Variants in HCRTR2 observed in about 807,000 individuals in gnomAD.
HCRTR2 encodes hypocretin receptor 2.
HCRTR2 carries 22 observed loss-of-function variants against 49.0 expected under a neutral mutation model. That is an observed-to-expected ratio of 0.45 (90% CI 0.32 to 0.64). The LOEUF is 0.64. HCRTR2 is among the 30% of genes least tolerant of loss of function. The pLI, the probability that HCRTR2 is intolerant of heterozygous loss-of-function variation, is 0.04. For missense variants in HCRTR2, 491 were observed against 559.4 expected (o/e 0.88, Z 1.23); for synonymous variants, 236 against 205.3 (o/e 1.15, Z -1.28).
intron 1 of HCRTR2, among the ~76,000 whole-genome samples, chr6:55,222,995 A>G (rs1400125679): frequency 6.6e-6 from 1 of 152,214 alleles, no homozygotes; most frequent in Non-Finnish European, 1.5e-5. Flanking sequence ...TAGTGACACG[A>G]GTTCAAATAA....
chr6:55,124,210 G>A (rs1015661585), intron 1 of HCRTR2, among the ~76,000 whole-genome samples: 6 of 152,116 alleles, frequency 3.9e-5, no homozygotes, highest in African/African-American at 1.4e-4. Context: ...TGGTGTCAGA[G>A]TGTTGATTTT....
intron 1 of HCRTR2, among the ~76,000 whole-genome samples, chr6:55,241,800 G>C (rs1279031206): frequency 1.3e-5 from 2 of 149,438 alleles, no homozygotes; most frequent in African/African-American, 4.9e-5. Flanking sequence ...GTTTTTGAGG[G>C]ACATCATTAT....
At chr6:55,241,956 C>T (rs1224975092) in intron 1 of HCRTR2, among the ~76,000 whole-genome samples, 3 of 149,850 alleles carry the variant, frequency 2.0e-5, no homozygotes, top group African/African-American at 7.4e-5. Flanking sequence ...GCAGCCTCCA[C>T]CTCCCGGGTT....
intron 1 of HCRTR2, among the ~76,000 whole-genome samples, chr6:55,115,323 C>T (rs1279457259): frequency 6.6e-6 from 1 of 151,672 alleles, no homozygotes; most frequent in Non-Finnish European, 1.5e-5. Context: ...AGAGTAGAGA[C>T]TTTTCATTTA....
At chr6:55,268,063 G>A (rs1480101812) in intron 4 of HCRTR2, among the ~76,000 whole-genome samples, 1 of 152,082 alleles carries the variant, frequency 6.6e-6, no homozygotes, top group African/African-American at 2.4e-5. Context: ...AAAAGGAGGA[G>A]GAAATGGAGC....
At chr6:55,133,064 A>G (rs1267671101) in intron 1 of HCRTR2, among the ~76,000 whole-genome samples, 1 of 151,902 alleles carries the variant, frequency 6.6e-6, no homozygotes, top group Non-Finnish European at 1.5e-5. Context: ...ACTGTGCAAC[A>G]TTAGTCTTAG....
chr6:55,281,478 GATAACTC>G (rs1251066509), intron 6 of HCRTR2, among the ~76,000 whole-genome samples: 1 of 152,170 alleles, frequency 6.6e-6, no homozygotes, highest in East Asian at 1.9e-4. Context: ...GATAATCACT[GATAACTC>G]ATTATGTGAC....
At chr6:55,110,770 CA>C (rs1764038059) in intron 1 of HCRTR2, among the ~76,000 whole-genome samples, 1 of 151,584 alleles carries the variant, frequency 6.6e-6, no homozygotes, top group South Asian at 2.1e-4. Flanking sequence ...AGACAGAAAA[CA>C]ATAGTGGGAG....
At chr6:55,107,469 A>G (rs745936536) in intron 1 of HCRTR2, among the ~76,000 whole-genome samples, 2 of 152,108 alleles carry the variant, frequency 1.3e-5, no homozygotes, top group Non-Finnish European at 2.9e-5. Flanking sequence ...AGGGAAAGGC[A>G]TAAGGCATAA....
chr6:55,211,751 A>G (rs116312988), intron 1 of HCRTR2, among the ~76,000 whole-genome samples: 1 of 152,230 alleles, frequency 6.6e-6, no homozygotes, highest in African/African-American at 2.4e-5. Flanking sequence ...GAGCTTCCTG[A>G]CCAACTCCTA....
chr6:55,268,550 AGGG>A (rs1325044925), intron 4 of HCRTR2, among the ~76,000 whole-genome samples: 2 of 152,140 alleles, frequency 1.3e-5, no homozygotes, highest in Non-Finnish European at 2.9e-5. Flanking sequence ...AATCACAAAA[AGGG>A]AGTTAATGTG....
intron 4 of HCRTR2, among the ~76,000 whole-genome samples, chr6:55,268,798 T>C (rs1258863950): frequency 6.6e-6 from 1 of 151,940 alleles, no homozygotes; most frequent in African/African-American, 2.4e-5. Context: ...TAGTAATGGA[T>C]AGAAAACACA....
At chr6:55,283,559 G>A (rs902330968), downstream of HCRTR2, among the ~76,000 whole-genome samples, 2 of 152,036 alleles carry the variant, frequency 1.3e-5, no homozygotes, top group Non-Finnish European at 1.5e-5. Flanking sequence ...ATAGACTATC[G>A]TATATTTTGT....
chr6:55,280,001 A>G (rs957715155), intron 5 of HCRTR2, among the ~76,000 whole-genome samples: 1 of 152,164 alleles, frequency 6.6e-6, no homozygotes, highest in South Asian at 2.1e-4. Flanking sequence ...ACATTATTCA[A>G]TTGTATTTAG....
chr6:55,114,924 G>A (rs1017759724), intron 1 of HCRTR2, among the ~76,000 whole-genome samples: 3 of 151,654 alleles, frequency 2.0e-5, no homozygotes, highest in African/African-American at 7.3e-5. Flanking sequence ...GGAGAAGCAA[G>A]GTTTTCACTA....
At chr6:55,215,817 C>A (rs1315270020) in intron 1 of HCRTR2, among the ~76,000 whole-genome samples, 3 of 152,018 alleles carry the variant, frequency 2.0e-5, no homozygotes, top group African/African-American at 7.2e-5. Context: ...AGGTAATAAA[C>A]AAAAGAAAAT....
intron 3 of HCRTR2, among the ~76,000 whole-genome samples, chr6:55,257,387 A>T (rs1766673584): frequency 6.6e-6 from 1 of 152,112 alleles, no homozygotes; most frequent in African/African-American, 2.4e-5. Context: ...GTAAGTTGGG[A>T]TTCCTTAAGT....
intron 1 of HCRTR2, among the ~76,000 whole-genome samples, chr6:55,112,514 C>G (rs1581778091): frequency 8.4e-6 from 1 of 118,812 alleles, no homozygotes; most frequent in South Asian, 2.9e-4. Flanking sequence ...CAAGCTGAGT[C>G]AAATTCAGAA....
Position 55,273,171 on chromosome 6 carries a change from A to G in HCRTR2, c.763-4209A>G, listed in dbSNP as rs565711391. ...TGAAAAACTCCCTCAGTGTTGGAAT[A>G]CAGTCATCTTCATATGGTGGTGGGT... On this transcript the variant is annotated intron_variant, in intron 4 of 6. Transcript: ENST00000370862. Among the ~76,000 whole-genome samples the G allele has an allele frequency of 2.3e-4, 35 of 152,088 alleles. 1 individual carries two copies. The South Asian group carries it at 5.0e-3, about 22-fold the overall frequency.
Sources: gnomAD v4.1 joint callset for allele counts (sites outside exome capture counted in the v4.1 genomes callset) on GRCh38, gnomAD v4.1.1 for gene constraint, MANE v1.5 for transcripts, NCBI Gene and HGNC (gene_info 2026-07-23, HGNC 2026-07-21) for gene names.